Variants in DNAH7 observed in about 807,000 individuals in gnomAD.
DNAH7 encodes the protein dynein axonemal heavy chain 7.
Under a neutral mutation model 444.6 loss-of-function variants are expected in DNAH7, and 397 were observed. The ratio of observed to expected loss-of-function variants is 0.89; its 90% CI spans 0.82 to 0.97. DNAH7 has a LOEUF of 0.97. DNAH7 is among the 50% of genes least tolerant of loss of function. DNAH7 has a pLI of 0.00. For synonymous variants in DNAH7, 1,636 were observed against 1,624.4 expected, an observed-to-expected ratio of 1.01 and a Z score of -0.17; for missense variants, 4,902 against 4,800.8, an observed-to-expected ratio of 1.02 and a Z score of -0.62.
At position 195,804,051 on chromosome 2, in the gene DNAH7, GA is replaced by G. The variant is rs539025980; in HGVS notation, c.10176+2688del. ...CTGAGTGGGGCTGGTTTTGAGGGGA[GA>G]GGGGGGGAAGGAGACCCCCCCCAAA... On this transcript the variant is annotated intron_variant, in intron 54 of 64. Coordinates refer to ENST00000312428, the MANE Select transcript of DNAH7 (RefSeq NM_018897.3). Among the ~76,000 whole-genome samples, 119 of 108,106 alleles carry G rather than the reference GA, an allele frequency of 1.1e-3. 1 individual carries two copies. Among genetic ancestry groups the G allele is most frequent in the African/African-American group, 3.1e-3 (98 of 31,398 alleles). 70.9% of individuals were successfully genotyped at this position (108,106 alleles called of 152,430 possible).
intron 63 of DNAH7, among the ~76,000 whole-genome samples, chr2:195,749,750 C>T (rs989652837): frequency 2.7e-5 from 4 of 149,132 alleles, no homozygotes; most frequent in Non-Finnish European, 4.4e-5. Context: ...CCAAACACCG[C>T]GTATTCTCAC....
intron 40 of DNAH7, 131 bp downstream of exon 40, chr2:195,872,119 T>C: frequency 1.4e-6 from 1 of 700,544 alleles, no homozygotes; most frequent in Non-Finnish European, 2.3e-6. Context: ...TTCTGAACAC[T>C]GGCCTTCAAA....
At chr2:195,938,482 ATTTG>A (rs774394842) in intron 19 of DNAH7, among the ~76,000 whole-genome samples, 5 of 151,746 alleles carry the variant, frequency 3.3e-5, no homozygotes, top group African/African-American at 2.4e-5. Flanking sequence ...GTATGCCTGT[ATTTG>A]TTTGGGGAAA....
intron 56 of DNAH7, among the ~76,000 whole-genome samples, chr2:195,794,959 A>G (rs1478848474): frequency 6.6e-6 from 1 of 152,212 alleles, no homozygotes; most frequent in African/African-American, 2.4e-5. Context: ...CAAGGCACTC[A>G]GATAAGTCAG....
chr2:195,782,622 C>A (rs1008426421), intron 58 of DNAH7, among the ~76,000 whole-genome samples: 2 of 152,080 alleles, frequency 1.3e-5, no homozygotes, highest in African/African-American at 4.8e-5. Flanking sequence ...ATTATTTCTG[C>A]GAAGTCCTGA....
chr2:195,804,761 T>C (rs894079190), intron 54 of DNAH7, among the ~76,000 whole-genome samples: 2 of 152,192 alleles, frequency 1.3e-5, no homozygotes, highest in African/African-American at 4.8e-5. Flanking sequence ...GTAAGATGTA[T>C]GGACACAATC....
intron 5 of DNAH7, among the ~76,000 whole-genome samples, chr2:196,043,953 GTGGGAA>G (rs71015738): frequency 0.071 from 10,820 of 152,138 alleles, 498 homozygotes; most frequent in Non-Finnish European, 0.1. Flanking sequence ...TACACTGCTA[GTGGGAA>G]TGTAAACTAC....
chr2:195,888,234 T>A, intron 33 of DNAH7, 24 bp downstream of exon 33: 1 of 1,569,548 alleles, frequency 6.4e-7, no homozygotes, highest in South Asian at 1.2e-5. Flanking sequence ...TATTTTTTAA[T>A]CTTAAAATTC....
rs748089030 is a variant in DNAH7 at position 195,960,576 on chromosome 2, C to G, written c.2575G>C (p.Ala859Pro). 1 of 1,614,220 alleles carries G rather than the reference C, an allele frequency of 6.2e-7. No individual in the cohort carries two copies. The highest frequency in any genetic ancestry group is 1.1e-5 in the South Asian group (1 of 91,086). ...LRPRHWEAMS[A>P]IVGYPLQPSD... The stretch of plus-strand genomic sequence containing the variant: ...GGCTGCAAAGGGTAACCAACAATGG[C>G]AGACATGGCCTCCCAGTGCCTGGGG... The change falls in exon 18 of 65, where the codon GCC becomes CCC. Residue 859 changes from alanine to proline, a missense_variant. Physicochemically the swap from Ala to Pro is conservative, Grantham distance 27. Transcript: ENST00000312428.
Position 195,929,323 on chromosome 2 carries a change from C to T in DNAH7, c.3472-2757G>A, listed in dbSNP as rs755507733. On this transcript the variant is annotated intron_variant, in intron 21 of 64. Transcript: ENST00000312428. Reference sequence around the variant, plus strand: ...CCCAAAGCAACCTACAAATTCAACACTATTCCTATCAAGCTACCAACATCA... The same window carrying T: ...CCCAAAGCAACCTACAAATTCAACATTATTCCTATCAAGCTACCAACATCA... 1.2e-3 allele frequency among the ~76,000 whole-genome samples: 180 copies of T among 152,158 alleles called. 1 individual carries two copies. Among genetic ancestry groups the T allele is most frequent in the Non-Finnish European group, 7.5e-4 (51 of 68,030 alleles).
intron 23 of DNAH7, 102 bp downstream of exon 23, chr2:195,923,493 T>C (rs1197575577): frequency 9.0e-7 from 1 of 1,114,960 alleles, no homozygotes; most frequent in Non-Finnish European, 1.3e-6. Flanking sequence ...CAGCAAAAGA[T>C]CTCAGATTAC....
chr2:195,803,510 C>G (rs190959935), intron 54 of DNAH7, among the ~76,000 whole-genome samples: 7 of 152,200 alleles, frequency 4.6e-5, no homozygotes, highest in African/African-American at 1.7e-4. Context: ...AATGAACCTG[C>G]GTTAGCTATT....
intron 21 of DNAH7, among the ~76,000 whole-genome samples, chr2:195,928,036 G>A (rs1010688544): frequency 1.3e-5 from 2 of 152,056 alleles, no homozygotes; most frequent in Non-Finnish European, 2.9e-5. Flanking sequence ...AGTGAGCATA[G>A]TGCCCAATAG....
intron 24 of DNAH7, among the ~76,000 whole-genome samples, chr2:195,913,948 T>A (rs1040058011): frequency 3.3e-5 from 5 of 152,188 alleles, no homozygotes; most frequent in African/African-American, 1.2e-4. Context: ...TCTCCTGACC[T>A]CGTGATCTGC....
chr2:195,905,991 C>A (rs538226165), intron 27 of DNAH7, among the ~76,000 whole-genome samples: 1 of 152,074 alleles, frequency 6.6e-6, no homozygotes, highest in East Asian at 1.9e-4. Flanking sequence ...TGAAAGCACA[C>A]TGAATGTCCA....
At chr2:195,816,513 T>C in intron 51 of DNAH7, 115 bp downstream of exon 51, 1 of 740,650 alleles carries the variant, frequency 1.4e-6, no homozygotes, top group Admixed American at 3.0e-5. Flanking sequence ...TCAAGTTCAT[T>C]TTAGGTAAGT....
chr2:195,976,770 A>AGAGAGAGAGAGAGAGAGAGAGAGAGG (rs1233348649), intron 15 of DNAH7, among the ~76,000 whole-genome samples: 5 of 151,060 alleles, frequency 3.3e-5, no homozygotes, highest in Non-Finnish European at 5.9e-5. Flanking sequence ...AGAGAGAGAG[A>AGAGAGAGAGAGAGAGAGAGAGAGAGG]GAGAGAGAGA....
intron 9 of DNAH7, among the ~76,000 whole-genome samples, chr2:196,016,587 G>A (rs1454087197): frequency 6.6e-6 from 1 of 152,182 alleles, no homozygotes; most frequent in African/African-American, 2.4e-5. Flanking sequence ...TCTGAAGTCA[G>A]CAGAGGCCCC....
rs924614123 is a variant in DNAH7, at chr2:195,788,859, ATG to A, written c.10717-1690_10717-1689del. On this transcript the variant is annotated intron_variant, in intron 57 of 64. Transcript: ENST00000312428. ...TGTGCACATGAACTTGTCTGCATGTATGTGTATTTGTATATTTGCATGTATGT... is the reference window on the plus strand; with the variant it reads ...TGTGCACATGAACTTGTCTGCATGTATGTATTTGTATATTTGCATGTATGT... Among the ~76,000 whole-genome samples, 3 of 152,200 alleles carry A rather than the reference ATG, an allele frequency of 2.0e-5. No individual in the cohort carries two copies. The East Asian group carries it at 5.8e-4, about 29-fold the overall frequency.
Sources: gnomAD v4.1 joint callset for allele counts (sites outside exome capture counted in the v4.1 genomes callset) on GRCh38, gnomAD v4.1.1 for gene constraint, MANE v1.5 for transcripts, NCBI Gene and HGNC (gene_info 2026-07-23, HGNC 2026-07-21) for gene names.